Variants in EPS8 observed in about 807,000 individuals in gnomAD.
EPS8 encodes the protein EGFR pathway substrate 8, signaling adaptor, also known as epidermal growth factor receptor kinase substrate 8.
A neutral mutation model predicts 103.8 loss-of-function variants in EPS8; 42 were observed. That is an observed-to-expected ratio of 0.40 (90% CI 0.32 to 0.52). EPS8 has a LOEUF of 0.52. Among genes scored for constraint, EPS8 ranks in the 20% least tolerant of loss-of-function variants. EPS8 has a pLI of 0.40. For missense variants in EPS8, 969 were observed against 1,005.1 expected (o/e 0.96, Z 0.49); for synonymous variants, 344 against 344.6 (o/e 1.00, Z 0.02).
chr12:15,653,262 A>G (rs1945446151), intron 13 of EPS8, among the ~76,000 whole-genome samples: 1 of 152,170 alleles, frequency 6.6e-6, no homozygotes, highest in Non-Finnish European at 1.5e-5. Context: ...CAACTACCAG[A>G]CTGACCTTTC....
Position 15,660,718 on chromosome 12 carries a change from T to C in EPS8, c.833A>G (p.Asp278Gly). Reference protein sequence around the residue: ...RDVQILNHILDDIEFFITKLQ... With the variant: ...RDVQILNHILGDIEFFITKLQ... ...TTTTGTGATAAAAAATTCAATGTCATCCAAAATGTGGTTTAAGATTTGCTG... is the reference window on the plus strand; with the variant it reads ...TTTTGTGATAAAAAATTCAATGTCACCCAAAATGTGGTTTAAGATTTGCTG... The change falls in exon 10 of 21, where the codon GAT becomes GGT. Residue 278 changes from aspartate to glycine, a missense_variant. Transcript: ENST00000281172. 6.2e-7 allele frequency: 1 copy of C among 1,605,376 alleles called. No homozygotes were observed. The highest frequency in any genetic ancestry group is 8.5e-7 in the Non-Finnish European group (1 of 1,173,506).
At chr12:15,624,184 T>C in intron 19 of EPS8, 43 bp downstream of exon 19, 12 of 1,497,876 alleles carry the variant, frequency 8.0e-6, no homozygotes, top group South Asian at 6.8e-5. Flanking sequence ...AAACAATGCA[T>C]GTTGTACACA....
intron 1 of EPS8, among the ~76,000 whole-genome samples, chr12:15,709,588 G>A (rs1946434101): frequency 6.6e-6 from 1 of 152,248 alleles, no homozygotes; most frequent in South Asian, 2.1e-4. Flanking sequence ...GAAGACTGTA[G>A]CATGAATTAT....
At position 15,717,159 on chromosome 12, in the gene EPS8, A is replaced by T. The variant is rs149015095; in HGVS notation, c.-21-34187T>A. On this transcript the variant is annotated intron_variant, in intron 1 of 20. Transcript: ENST00000281172. The surrounding 1 kb of genome is among the most constrained non-coding windows in gnomAD (Gnocchi z 4.3). ...ACTTATCTTTGGGAGAATCATATCTAACTACAATTATAGTCATGCAAAAGG... is the reference window on the plus strand; with the variant it reads ...ACTTATCTTTGGGAGAATCATATCTTACTACAATTATAGTCATGCAAAAGG... 6.7e-4 allele frequency among the ~76,000 whole-genome samples: 102 copies of T among 152,356 alleles called. 1 individual carries two copies. The highest frequency in any genetic ancestry group is 2.3e-3 in the African/African-American group (96 of 41,590).
chr12:15,659,550 C>G (rs1449566846), intron 10 of EPS8, among the ~76,000 whole-genome samples: 2 of 151,994 alleles, frequency 1.3e-5, no homozygotes, highest in African/African-American at 4.8e-5. Flanking sequence ...TTTAAGATAC[C>G]AGGAAGCAAT....
chr12:15,740,137 C>T (rs534079191), intron 1 of EPS8, among the ~76,000 whole-genome samples: 7 of 152,234 alleles, frequency 4.6e-5, no homozygotes, highest in Non-Finnish European at 7.4e-5. Flanking sequence ...AAAAATCAAA[C>T]TCCTAGATGC....
intron 1 of EPS8, among the ~76,000 whole-genome samples, chr12:15,689,863 G>A (rs1273737128): frequency 6.6e-6 from 1 of 152,188 alleles, no homozygotes; most frequent in Non-Finnish European, 1.5e-5. Context: ...AGTTAGCAGA[G>A]GCTGGGAGTT....
Position 15,620,264 on chromosome 12 carries a change from A to G in EPS8, c.*1053T>C, listed in dbSNP as rs1944841474. On this transcript the variant is annotated 3_prime_UTR_variant, in exon 21 of 21. Transcript: ENST00000281172. ...TCTAGATAATTTCTCTAAATGATTT[A>G]TGTTAAAATATACAACATTCTTACA... 1.3e-5 allele frequency: 2 copies of G among 152,670 alleles called. No individual in the cohort carries two copies. The highest frequency in any genetic ancestry group is 4.8e-5 in the African/African-American group (2 of 41,472). The allele number at this position is 152,670 out of a possible 1,614,324, so 9.5% of individuals were successfully genotyped here. A position where few individuals can be genotyped will look rare whatever the true frequency, so the allele number is the denominator to read the frequency against.
chr12:15,634,827 A>G, intron 17 of EPS8: 2 of 398,428 alleles, frequency 5.0e-6, no homozygotes, highest in Non-Finnish European at 8.9e-6. Context: ...GAATTAAAAT[A>G]ATATCAATTA....
intron 15 of EPS8, among the ~76,000 whole-genome samples, chr12:15,646,298 G>GA: frequency 6.6e-6 from 1 of 152,070 alleles, no homozygotes; most frequent in Non-Finnish European, 1.5e-5. Context: ...ATTATATTAA[G>GA]AAAAGAGTAT....
At chr12:15,623,394 ATACCCT>A in intron 19 of EPS8, 107 bp from the exon 20 acceptor site, 1 of 998,754 alleles carries the variant, frequency 1.0e-6, no homozygotes, top group Non-Finnish European at 1.5e-6. Context: ...TAAGCGTTCC[ATACCCT>A]GGAACCCTTA....
Position 15,662,424 on chromosome 12 carries a change from C to T in EPS8, c.737-325G>A, listed in dbSNP as rs111763434. The stretch of plus-strand genomic sequence containing the variant: ...TAGCACCCTTTAATTCCTACACAAG[C>T]CAGAAATATAAACCAGCAGTCAAGC... On this transcript the variant is annotated intron_variant, in intron 8 of 20. Coordinates refer to ENST00000281172, the MANE Select transcript of EPS8 (RefSeq NM_004447.6). 14 of 1,032,372 alleles carry T rather than the reference C, an allele frequency of 1.4e-5. 1 individual carries two copies. Among genetic ancestry groups the T allele is most frequent in the Middle Eastern group, 4.7e-4 (1 of 2,144 alleles). The allele number at this position is 1,032,372 out of a possible 1,614,324, so 64.0% of individuals were successfully genotyped here. A position where few individuals can be genotyped will look rare whatever the true frequency, so the allele number is the denominator to read the frequency against.
intron 1 of EPS8, among the ~76,000 whole-genome samples, chr12:15,724,768 C>T (rs1423006404): frequency 2.6e-5 from 4 of 152,108 alleles, no homozygotes; most frequent in Non-Finnish European, 5.9e-5. Flanking sequence ...CTCATTCTCT[C>T]GTACCTGCCA....
chr12:15,709,379 G>A (rs1471148088), intron 1 of EPS8, among the ~76,000 whole-genome samples: 2 of 152,186 alleles, frequency 1.3e-5, no homozygotes, highest in Non-Finnish European at 2.9e-5. Context: ...CCTTAAGGAT[G>A]AGGTAAATTT....
At chr12:15,653,103 A>G (rs1945442971) in intron 13 of EPS8, among the ~76,000 whole-genome samples, 1 of 152,194 alleles carries the variant, frequency 6.6e-6, no homozygotes, top group Middle Eastern at 3.2e-3. Flanking sequence ...ACAAATGCAC[A>G]TTTCTTAAAA....
chr12:15,686,269 A>G (rs1001674292), intron 1 of EPS8, among the ~76,000 whole-genome samples: 20 of 152,194 alleles, frequency 1.3e-4, no homozygotes, highest in African/African-American at 4.3e-4. Flanking sequence ...AGAATATATA[A>G]TACATATACA....
Position 15,734,871 on chromosome 12 carries a change from T to A in EPS8, c.-21-51899A>T, listed in dbSNP as rs1282016162. Among the ~76,000 whole-genome samples, 3 of 152,242 alleles carry A rather than the reference T, an allele frequency of 2.0e-5. No individual in the cohort carries two copies. Among genetic ancestry groups the A allele is most frequent in the African/African-American group, 7.2e-5 (3 of 41,460 alleles). ...CATATCGATGATCTCAATTGATTCT[T>A]ATAATATGTAAGCTGGAAGGTAAGC... On this transcript the variant is annotated intron_variant, in intron 1 of 20. Transcript: ENST00000281172. This position sits in a 1 kb window ranked among gnomAD's most constrained non-coding sequence, Gnocchi z 4.1.
In EPS8 at chr12:15,650,819, C is replaced by A. The variant is rs750307152; in HGVS notation, c.1434+4G>T. ...ACAGAGGGCAATGTTAAAAAAAAAACTACCTCTGTGGATAATCTTTTTATT... is the reference window on the plus strand; with the variant it reads ...ACAGAGGGCAATGTTAAAAAAAAAAATACCTCTGTGGATAATCTTTTTATT... On this transcript the variant is annotated splice_donor_region_variant and intron_variant, in intron 14 of 20. Transcript: ENST00000281172. 1.9e-6 allele frequency: 3 copies of A among 1,608,348 alleles called. No individual in the cohort carries two copies. The highest frequency in any genetic ancestry group is 2.6e-6 in the Non-Finnish European group (3 of 1,175,934).
At chr12:15,633,601 GT>G (rs1403006374) in intron 17 of EPS8, among the ~76,000 whole-genome samples, 1 of 152,132 alleles carries the variant, frequency 6.6e-6, no homozygotes, top group African/African-American at 2.4e-5. Flanking sequence ...TCATGCCATT[GT>G]TACATAATGC....
Sources: allele counts gnomAD v4.1 joint callset (sites outside exome capture counted in the v4.1 genomes callset), GRCh38; gene constraint gnomAD v4.1.1; non-coding constraint Gnocchi (gnomAD v3.1); transcripts MANE v1.5; gene names NCBI Gene and HGNC (gene_info 2026-07-23, HGNC 2026-07-21).